The following MAPKAP1 variants were observed in gnomAD, a reference collection of about 807,000 sequenced individuals.
MAPKAP1 encodes the protein MAPK associated protein 1.
In MAPKAP1, 20 loss-of-function variants were observed where a neutral mutation model predicts 65.7. The observed-to-expected ratio is 0.30, with a 90% confidence interval of 0.21 to 0.44. The LOEUF is 0.44. Ranked by LOEUF, MAPKAP1 falls within the 20% of genes least tolerant of loss-of-function variation. The pLI, the probability that MAPKAP1 is intolerant of heterozygous loss-of-function variation, is 1.00. For missense variants in MAPKAP1, 423 were observed against 648.0 expected (o/e 0.65, Z 3.77); for synonymous variants, 222 against 244.3 (o/e 0.91, Z 0.85).
chr9:125,648,936 CA>C (rs5900666), intron 4 of MAPKAP1, among the ~76,000 whole-genome samples: 540 of 134,282 alleles, frequency 4.0e-3, no homozygotes, highest in Non-Finnish European at 6.2e-3. Flanking sequence ...GACTCTGACT[CA>C]AAAAAAAAAA....
intron 7 of MAPKAP1, among the ~76,000 whole-genome samples, chr9:125,509,409 T>A (rs1829237074): frequency 6.6e-6 from 1 of 152,344 alleles, no homozygotes; most frequent in East Asian, 1.9e-4. Context: ...TTTTTTTGTA[T>A]TTTTCAAATT....
chr9:125,541,589 C>A (rs1352866253), intron 7 of MAPKAP1, among the ~76,000 whole-genome samples: 1 of 152,162 alleles, frequency 6.6e-6, no homozygotes, highest in African/African-American at 2.4e-5. Context: ...GCACCTGGAA[C>A]CCCAAAATAT....
chr9:125,510,039 A>G lies in MAPKAP1; in HGVS notation c.959-3622T>C, dbSNP rs533285963. Among the ~76,000 whole-genome samples, 6 of 152,330 alleles carry G rather than the reference A, an allele frequency of 3.9e-5. No individual in the cohort carries two copies. The East Asian group carries it at 1.2e-3, about 29-fold the overall frequency. The stretch of plus-strand genomic sequence containing the variant: ...CCTAGCATGTTGATGACTTTAATAC[A>G]TGCTTATTATGTGCCAAGCATGCTA... On this transcript the variant is annotated intron_variant, in intron 7 of 11. Coordinates refer to ENST00000265960, the MANE Select transcript of MAPKAP1 (RefSeq NM_001006617.3).
At chr9:125,639,104 G>C (rs754984196) in intron 4 of MAPKAP1, among the ~76,000 whole-genome samples, 8 of 152,194 alleles carry the variant, frequency 5.3e-5, no homozygotes, top group Admixed American at 2.6e-4. Context: ...CACAGGGTGT[G>C]GTGGTGCATG....
At chr9:125,510,896 C>A (rs1829277751) in intron 7 of MAPKAP1, among the ~76,000 whole-genome samples, 1 of 152,102 alleles carries the variant, frequency 6.6e-6, no homozygotes, top group African/African-American at 2.4e-5. Context: ...TAATGAGAGG[C>A]AGGGTATATA....
At chr9:125,550,738 A>T (rs1025107814) in intron 6 of MAPKAP1, among the ~76,000 whole-genome samples, 2 of 152,232 alleles carry the variant, frequency 1.3e-5, no homozygotes, top group African/African-American at 2.4e-5. Flanking sequence ...TACAAATACA[A>T]AATTAAACAG....
intron 9 of MAPKAP1, among the ~76,000 whole-genome samples, chr9:125,474,247 C>A (rs751442763): frequency 3.9e-5 from 6 of 152,170 alleles, no homozygotes; most frequent in Non-Finnish European, 8.8e-5. Context: ...GAGACAATGC[C>A]TTCATCCCCA....
chr9:125,494,866 C>G (rs1470858151), intron 8 of MAPKAP1, among the ~76,000 whole-genome samples: 3 of 152,180 alleles, frequency 2.0e-5, no homozygotes, highest in Non-Finnish European at 2.9e-5. Context: ...CAGCACTGAT[C>G]ACAATTGTGT....
intron 7 of MAPKAP1, among the ~76,000 whole-genome samples, chr9:125,529,030 C>A (rs1829857851): frequency 6.7e-6 from 1 of 149,640 alleles, no homozygotes; most frequent in Admixed American, 6.6e-5. Flanking sequence ...AAAAATTAGC[C>A]GGGCGTGGTG....
At chr9:125,693,688 T>C (rs150236926) in intron 1 of MAPKAP1, among the ~76,000 whole-genome samples, 47,449 of 131,910 alleles carry the variant, frequency 0.36, 9,219 homozygotes, top group Non-Finnish European at 0.4. Flanking sequence ...TATATACACG[T>C]ATATATACAC....
intron 4 of MAPKAP1, among the ~76,000 whole-genome samples, chr9:125,656,618 G>C (rs914443104): frequency 6.6e-6 from 1 of 151,562 alleles, no homozygotes; most frequent in Admixed American, 6.6e-5. Context: ...ACAAGTGACA[G>C]AACCAGCTCA....
At chr9:125,633,675 AC>A (rs528325132) in intron 4 of MAPKAP1, among the ~76,000 whole-genome samples, 371 of 152,320 alleles carry the variant, frequency 2.4e-3, no homozygotes, top group Admixed American at 5.2e-3. Flanking sequence ...GTTAAATTAA[AC>A]CTGTATTTCA....
chr9:125,508,136 A>G (rs1054324664), intron 7 of MAPKAP1, among the ~76,000 whole-genome samples: 2 of 152,220 alleles, frequency 1.3e-5, no homozygotes, highest in Non-Finnish European at 2.9e-5. Flanking sequence ...ACTGTACTCC[A>G]GCCTGGGCAA....
intron 5 of MAPKAP1, among the ~76,000 whole-genome samples, chr9:125,578,255 C>T (rs1485858478): frequency 1.3e-5 from 2 of 151,850 alleles, no homozygotes; most frequent in African/African-American, 4.8e-5. Flanking sequence ...GAGTCATCAC[C>T]ACTCCCTAAT....
intron 5 of MAPKAP1, among the ~76,000 whole-genome samples, chr9:125,569,458 T>C (rs149320518): frequency 7.7e-4 from 118 of 152,324 alleles, no homozygotes; most frequent in African/African-American, 2.7e-3. Context: ...ACCTTGTCTA[T>C]TCTTTTCTCC....
chr9:125,522,713 C>T (rs891352222), intron 7 of MAPKAP1, among the ~76,000 whole-genome samples: 2 of 152,194 alleles, frequency 1.3e-5, no homozygotes, highest in Non-Finnish European at 2.9e-5. Context: ...TTCAAGGTAT[C>T]ACTTTCATAC....
chr9:125,678,032 C>T (rs1229937973), intron 1 of MAPKAP1, among the ~76,000 whole-genome samples: 1 of 152,076 alleles, frequency 6.6e-6, no homozygotes, highest in Non-Finnish European at 1.5e-5. Context: ...ATTCTCCCAC[C>T]TCAGCCTCCC....
chr9:125,467,909 A>G, intron 10 of MAPKAP1, 63 bp downstream of exon 10: 7 of 1,555,348 alleles, frequency 4.5e-6, no homozygotes, highest in Non-Finnish European at 6.1e-6. Flanking sequence ...CCTGGCACCC[A>G]GCACACAGAA....
At chr9:125,563,795 A>G (rs1830966567) in intron 5 of MAPKAP1, among the ~76,000 whole-genome samples, 1 of 151,978 alleles carries the variant, frequency 6.6e-6, no homozygotes, top group Non-Finnish European at 1.5e-5. Flanking sequence ...CTGCTCACTG[A>G]AACCTCTGCC....
Sources: gnomAD v4.1 joint callset for allele counts (sites outside exome capture counted in the v4.1 genomes callset) on GRCh38, gnomAD v4.1.1 for gene constraint, MANE v1.5 for transcripts, NCBI Gene and HGNC (gene_info 2026-07-23, HGNC 2026-07-21) for gene names.